The following TRIM62 variants were observed in gnomAD, a reference collection of about 807,000 sequenced individuals.
The protein encoded by TRIM62 is tripartite motif containing 62, also known as E3 ubiquitin-protein ligase TRIM62.
A neutral mutation model predicts 44.2 loss-of-function variants in TRIM62; 39 were observed. The observed-to-expected ratio is 0.88, with a 90% CI of 0.68 to 1.15. The LOEUF is 1.15. Ranked by LOEUF, TRIM62 falls within the 50% of genes most tolerant of loss-of-function variation. The probability of loss-of-function intolerance (pLI) is 0.00; values close to 1 mark genes in which losing one functional copy is unlikely to be tolerated. For missense variants in TRIM62, 544 were observed against 665.5 expected, an observed-to-expected ratio of 0.82 and a Z score of 2.01; for synonymous variants, 278 against 292.3, an observed-to-expected ratio of 0.95 and a Z score of 0.50.
In TRIM62 at chr1:33,165,564, C is replaced by G; in HGVS notation, c.411G>C (p.Arg137Ser). 2 of 1,605,868 alleles carry G rather than the reference C, an allele frequency of 1.2e-6. No homozygotes were observed. Among genetic ancestry groups the G allele is most frequent in the Non-Finnish European group, 1.7e-6 (2 of 1,175,514 alleles). ...GIDDAFDELQ[R>S]ELKDQLQALQ... ...GGGCCTGAAGTTGGTCCTTCAGCTC[C>G]CTCTGAAACACACACAGGGCCGGGA... Residue 137 changes from arginine to serine, a missense_variant and splice_region_variant, in exon 2 of 5, where the codon AGG becomes AGC. Transcript: ENST00000291416. The surrounding 1 kb of genome is among the most constrained non-coding windows in gnomAD (Gnocchi z 4.0).
In TRIM62 at chr1:33,165,565, C is replaced by T. The variant is rs867847127; in HGVS notation, c.410G>A (p.Arg137Lys). 2 of 1,605,120 alleles carry T rather than the reference C, an allele frequency of 1.2e-6. No homozygotes were observed. The highest frequency in any genetic ancestry group is 1.7e-6 in the Non-Finnish European group (2 of 1,175,120). ...GGCCTGAAGTTGGTCCTTCAGCTCC[C>T]TCTGAAACACACACAGGGCCGGGAT... Reference protein sequence around the residue: ...GIDDAFDELQRELKDQLQALQ... With the variant: ...GIDDAFDELQKELKDQLQALQ... Residue 137 changes from arginine to lysine, a missense_variant and splice_region_variant, in exon 2 of 5, where the codon AGG (arginine) becomes AAG (lysine). Arg to Lys is a conservative substitution (Grantham distance 26). Coordinates refer to ENST00000291416, the MANE Select transcript of TRIM62 (RefSeq NM_018207.3). This position sits in a 1 kb window ranked among gnomAD's most constrained non-coding sequence, Gnocchi z 4.0.
At chr1:33,173,477 A>G (rs533303065) in intron 1 of TRIM62, among the ~76,000 whole-genome samples, 32 of 152,234 alleles carry the variant, frequency 2.1e-4, no homozygotes, top group Admixed American at 1.2e-3. Flanking sequence ...TCAAGCATTC[A>G]AAGCCCTTCC....
Position 33,145,998 on chromosome 1 carries a change from T to C in TRIM62, c.*1179A>G, listed in dbSNP as rs962547398. On this transcript the variant is annotated 3_prime_UTR_variant, in exon 5 of 5. Transcript: ENST00000291416. The stretch of plus-strand genomic sequence containing the variant: ...AGAGGGGCAGGCCTCAGGACATCTA[T>C]TGGCTGGCACGGACCGTGGCAGAGG... 8.7e-6 allele frequency: 4 copies of C among 459,952 alleles called. No homozygotes were observed. Among genetic ancestry groups the C allele is most frequent in the South Asian group, 1.6e-5 (1 of 63,058 alleles). 28.5% of individuals were successfully genotyped at this position (459,952 alleles called of 1,614,324 possible). A position where few individuals can be genotyped will look rare whatever the true frequency, so the allele number is the denominator to read the frequency against.
rs1645463921 is a variant in TRIM62, at chr1:33,181,479, C to G, written c.-47G>C. On this transcript the variant is annotated 5_prime_UTR_variant, in exon 1 of 5. Transcript: ENST00000291416. The surrounding 1 kb of genome is among the most constrained non-coding windows in gnomAD (Gnocchi z 6.5). ...GGGGGCCCGAGGGGCAGGGGGGCGGCTGAGAGAGCGCGGCGCTGTCGGAGG... is the reference window on the plus strand; with the variant it reads ...GGGGGCCCGAGGGGCAGGGGGGCGGGTGAGAGAGCGCGGCGCTGTCGGAGG... 1 of 1,529,002 alleles carries G rather than the reference C, an allele frequency of 6.5e-7. No individual in the cohort carries two copies. The highest frequency in any genetic ancestry group is 2.4e-5 in the East Asian group (1 of 41,804). The allele number at this position is 1,529,002 out of a possible 1,614,324, so 94.7% of individuals were successfully genotyped here.
At chr1:33,168,807 G>A (rs957056915) in intron 1 of TRIM62, among the ~76,000 whole-genome samples, 1 of 152,096 alleles carries the variant, frequency 6.6e-6, no homozygotes, top group Non-Finnish European at 1.5e-5. Flanking sequence ...AGATGTTGAG[G>A]AGATGGGCCA....
intron 1 of TRIM62, among the ~76,000 whole-genome samples, chr1:33,179,710 G>T (rs968752384): frequency 1.3e-5 from 2 of 152,108 alleles, no homozygotes; most frequent in Non-Finnish European, 2.9e-5. Context: ...TTCTGTCTCT[G>T]GCCTTGGAGA....
In TRIM62 at chr1:33,167,306, A is replaced by T. The variant is rs1042688381; in HGVS notation, c.409-1740T>A. ...TGTTTATTGCTTATCTCCTCACTAG[A>T]ATGTGAGTTTCATGAGAGTAGTAGG... On this transcript the variant is annotated intron_variant, in intron 1 of 4. Transcript: ENST00000291416. This position sits in a 1 kb window ranked among gnomAD's most constrained non-coding sequence, Gnocchi z 4.2. Among the ~76,000 whole-genome samples the T allele has an allele frequency of 2.0e-5, 3 of 152,152 alleles. No individual in the cohort carries two copies. Among genetic ancestry groups the T allele is most frequent in the Admixed American group, 6.6e-5 (1 of 15,260 alleles).
chr1:33,147,844 T>C lies in TRIM62; in HGVS notation c.878-117A>G. ...TACGCAGGAGGCCTCTGACCTGCTG[T>C]GTGACCTTGAATACAAGTCTGCCCT... On this transcript the variant is annotated intron_variant, in intron 4 of 4. Coordinates refer to ENST00000291416, the MANE Select transcript of TRIM62 (RefSeq NM_018207.3). The surrounding 1 kb of genome is among the most constrained non-coding windows in gnomAD (Gnocchi z 8.1). 8.6e-7 allele frequency: 1 copy of C among 1,156,692 alleles called. No homozygotes were observed. The highest frequency in any genetic ancestry group is 1.2e-6 in the Non-Finnish European group (1 of 827,926). 71.7% of individuals were successfully genotyped at this position (1,156,692 alleles called of 1,614,324 possible).
chr1:33,158,242 C>T lies in TRIM62; in HGVS notation c.877+11G>A, dbSNP rs1570309090. The T allele has an allele frequency of 6.2e-7, 1 of 1,612,500 alleles. No homozygotes were observed. On this transcript the variant is annotated intron_variant, in intron 4 of 4. Transcript: ENST00000291416. ...CCACCTAGCTCTGGACCATGATAAC[C>T]CATGCCTTACCTGGGTGGATGTCCT...
chr1:33,147,472 A>G lies in TRIM62; in HGVS notation c.1133T>C (p.Ile378Thr). ...AHEAASRKGSIQIQPSRGFYC... is the reference protein window; with the variant it reads ...AHEAASRKGSTQIQPSRGFYC... ...GAAGCCGCGGCTGGGCTGGATCTGG[A>G]TGCTGCCCTTGCGGCTTGCGGCTTC... The change falls in exon 5 of 5, where the codon ATC becomes ACC. Residue 378 changes from isoleucine (I) to threonine (T), a missense_variant. Coordinates refer to ENST00000291416, the MANE Select transcript of TRIM62 (RefSeq NM_018207.3). This position sits in a 1 kb window ranked among gnomAD's most constrained non-coding sequence, Gnocchi z 8.1. 1 of 1,613,886 alleles carries G rather than the reference A, an allele frequency of 6.2e-7. No homozygotes were observed. Among genetic ancestry groups the G allele is most frequent in the South Asian group, 1.1e-5 (1 of 91,082 alleles).
At chr1:33,155,178 T>C (rs1459019062) in intron 4 of TRIM62, among the ~76,000 whole-genome samples, 2 of 150,320 alleles carry the variant, frequency 1.3e-5, no homozygotes, top group East Asian at 4.2e-4. Flanking sequence ...TTCAAGCCAT[T>C]CTCCCACCTC....
chr1:33,161,229 G>A lies in TRIM62; in HGVS notation c.505-1285C>T, dbSNP rs1645261733. On this transcript the variant is annotated intron_variant, in intron 2 of 4. Coordinates refer to ENST00000291416, the MANE Select transcript of TRIM62 (RefSeq NM_018207.3). The surrounding 1 kb of genome is among the most constrained non-coding windows in gnomAD (Gnocchi z 4.3). ...CGTTTCCCGGAAGTCTTCATTGAGA[G>A]ACGGGTTCTGAGCCGGGGCCTGAGG... is the stretch of plus-strand genomic sequence containing the variant. Among the ~76,000 whole-genome samples the A allele has an allele frequency of 6.6e-6, 1 of 152,212 alleles. No individual in the cohort carries two copies. The highest frequency in any genetic ancestry group is 1.5e-5 in the Non-Finnish European group (1 of 68,038).
rs1484986554 is a variant in TRIM62 at position 33,165,788 on chromosome 1, C to T, written c.409-222G>A. 2.5e-6 allele frequency: 1 copy of T among 406,474 alleles called. No individual in the cohort carries two copies. The highest frequency in any genetic ancestry group is 4.4e-6 in the Non-Finnish European group (1 of 226,648). 25.2% of individuals were successfully genotyped at this position (406,474 alleles called of 1,614,324 possible). On this transcript the variant is annotated intron_variant, in intron 1 of 4. Transcript: ENST00000291416. The surrounding 1 kb of genome is among the most constrained non-coding windows in gnomAD (Gnocchi z 4.0). ...TCACCTGCATCTTTGCAACAACCTC[C>T]TCCTCTTTGGCCACCCTAGAGGCTT...
rs933362989 is a variant in TRIM62, at chr1:33,159,645, A to AG, written c.761+42dup. On this transcript the variant is annotated intron_variant, in intron 3 of 4. Coordinates refer to ENST00000291416, the MANE Select transcript of TRIM62 (RefSeq NM_018207.3). The surrounding 1 kb of genome is among the most constrained non-coding windows in gnomAD (Gnocchi z 4.2). ...TCCCACTGCCCAGCATGGGTCGAGG[A>AG]GGGGATGGTCAGCCGGGGAGGGCCC... 1.9e-6 allele frequency: 3 copies of AG among 1,577,954 alleles called. No homozygotes were observed. Among genetic ancestry groups the AG allele is most frequent in the East Asian group, 4.5e-5 (2 of 44,362 alleles).
chr1:33,180,671 G>A (rs1027841096), intron 1 of TRIM62, among the ~76,000 whole-genome samples: 5 of 152,142 alleles, frequency 3.3e-5, no homozygotes, highest in Admixed American at 6.5e-5. Context: ...ATTCCGGTTC[G>A]TCCACAACCC....
At position 33,181,598 on chromosome 1, in the gene TRIM62, C is replaced by G; in HGVS notation, c.-166G>C. 7.8e-7 allele frequency: 1 copy of G among 1,285,658 alleles called. No individual in the cohort carries two copies. Among genetic ancestry groups the G allele is most frequent in the East Asian group, 2.9e-5 (1 of 34,962 alleles). 79.6% of individuals were successfully genotyped at this position (1,285,658 alleles called of 1,614,324 possible). ...GGGGTGCTGTCCGGAAGGAGGGTAA[C>G]GCGAGGAAGGGGTGCGCGGCTGAGA... On this transcript the variant is annotated 5_prime_UTR_variant, in exon 1 of 5. Transcript: ENST00000291416. This position sits in a 1 kb window ranked among gnomAD's most constrained non-coding sequence, Gnocchi z 6.5.
chr1:33,147,393 C>G lies in TRIM62; in HGVS notation c.1212G>C (p.Trp404Cys), dbSNP rs1159736039. The G allele has an allele frequency of 6.2e-7, 1 of 1,614,164 alleles. No individual in the cohort carries two copies. The highest frequency in any genetic ancestry group is 1.1e-5 in the South Asian group (1 of 91,078). ...GNQYSACTEP[W>C]TRLNVRDKLD... ...GCTTGTCCCGGACGTTAAGCCGCGT[C>G]CAGGGCTCCGTGCAGGCGCTGTACT... The change falls in exon 5 of 5, where the codon TGG becomes TGC. Residue 404 changes from tryptophan (W) to cysteine (C), a missense_variant. Trp to Cys is a radical substitution (Grantham distance 215). Coordinates refer to ENST00000291416, the MANE Select transcript of TRIM62 (RefSeq NM_018207.3). This position sits in a 1 kb window ranked among gnomAD's most constrained non-coding sequence, Gnocchi z 8.1.
chr1:33,178,067 A>G (rs1645435388), intron 1 of TRIM62, among the ~76,000 whole-genome samples: 1 of 152,134 alleles, frequency 6.6e-6, no homozygotes, highest in African/African-American at 2.4e-5. Context: ...GCTGCACGCC[A>G]ACTGCTAGGT....
chr1:33,147,519 C>T lies in TRIM62; in HGVS notation c.1086G>A (p.Gln362=). 1 of 1,613,812 alleles carries T rather than the reference C, an allele frequency of 6.2e-7. No homozygotes were observed. The highest frequency in any genetic ancestry group is 8.5e-7 in the Non-Finnish European group (1 of 1,179,988). ...CTTCGTGTGCCAGCCCGATCACCCA[C>T]TGGGTCTTCTCCGCCACCACCACCT... The part of the protein sequence containing the change: ...YWEVVVAEKT[Q]WVIGLAHEAA... The change falls in exon 5 of 5, where the codon CAG becomes CAA. Residue 362 remains glutamine, a synonymous_variant. Transcript: ENST00000291416. This position sits in a 1 kb window ranked among gnomAD's most constrained non-coding sequence, Gnocchi z 8.1.
Sources: gnomAD v4.1 joint callset for allele counts (sites outside exome capture counted in the v4.1 genomes callset) on GRCh38, gnomAD v4.1.1 for gene constraint, Gnocchi (gnomAD v3.1) non-coding constraint, MANE v1.5 for transcripts, NCBI Gene and HGNC (gene_info 2026-07-23, HGNC 2026-07-21) for gene names.